The following PDE1C variants were observed in gnomAD, a reference collection of about 807,000 sequenced individuals.
PDE1C encodes dual specificity calcium/calmodulin-dependent 3',5'-cyclic nucleotide phosphodiesterase 1C.
A neutral mutation model predicts 93.1 loss-of-function variants in PDE1C; 62 were observed. The ratio of observed to expected loss-of-function variants is 0.67; its 90% CI spans 0.54 to 0.82. The LOEUF is 0.82. Ranked by LOEUF, PDE1C falls within the 40% of genes least tolerant of loss-of-function variation. The probability of loss-of-function intolerance (pLI) is 0.00; values close to 1 mark genes in which losing one functional copy is unlikely to be tolerated. For missense variants in PDE1C, 742 were observed against 884.6 expected (o/e 0.84, Z 2.04); for synonymous variants, 325 against 310.1 (o/e 1.05, Z -0.50).
At chr7:31,714,182 T>G in the PDE1C span, among the ~76,000 whole-genome samples, 14 of 152,212 alleles carry the variant, frequency 9.2e-5, no homozygotes, top group Non-Finnish European at 1.8e-4. Flanking sequence ...GCTTAGAAAT[T>G]TCTTCTGCCA....
chr7:31,893,509 C>T (rs572269119), intron 2 of PDE1C: 11 of 984,434 alleles, frequency 1.1e-5, no homozygotes, highest in Non-Finnish European at 1.3e-5. Flanking sequence ...CCAGCACCAC[C>T]TCCCTTTCTT....
At chr7:31,795,824 T>A (rs1282946582) in intron 16 of PDE1C, among the ~76,000 whole-genome samples, 1 of 151,538 alleles carries the variant, frequency 6.6e-6, no homozygotes, top group Non-Finnish European at 1.5e-5. Flanking sequence ...TTCCCCAAAT[T>A]CATAAAATAA....
rs938842394 is a variant in PDE1C, at chr7:32,298,806, A to C, written c.-71T>G. Reference sequence around the variant, plus strand: ...CTGCGGTCCCCCCCACGGCGGAGTGAGCAGCCCGGGGCTCGGCGGCGAATC... The same window carrying C: ...CTGCGGTCCCCCCCACGGCGGAGTGCGCAGCCCGGGGCTCGGCGGCGAATC... On this transcript the variant is annotated 5_prime_UTR_variant, in exon 1 of 19. Transcript: ENST00000396193. 7.9e-6 allele frequency: 12 copies of C among 1,525,832 alleles called. No homozygotes were observed. In the East Asian group the frequency reaches 3.0e-4, roughly 38 times the overall value. The allele number at this position is 1,525,832 out of a possible 1,614,324, so 94.5% of individuals were successfully genotyped here.
At chr7:31,981,638 A>G (rs537902550) in intron 2 of PDE1C, among the ~76,000 whole-genome samples, 77 of 152,328 alleles carry the variant, frequency 5.1e-4, no homozygotes, top group Non-Finnish European at 9.4e-4. Flanking sequence ...TTTAGCTTTA[A>G]AAGTATGTCT....
chr7:32,307,882 C>T (rs1025028312), intron 1 of PDE1C, among the ~76,000 whole-genome samples: 10 of 152,208 alleles, frequency 6.6e-5, no homozygotes, highest in Non-Finnish European at 1.5e-4. Context: ...ATAGTGGGTG[C>T]AGGACAGTGG....
chr7:32,373,483 T>G (rs1784367050), intron 1 of PDE1C, among the ~76,000 whole-genome samples: 1 of 152,130 alleles, frequency 6.6e-6, no homozygotes, highest in African/African-American at 2.4e-5. Context: ...GGGAGGAAAA[T>G]GAAGAGTGAC....
At chr7:31,994,151 A>T (rs951959353) in intron 2 of PDE1C, among the ~76,000 whole-genome samples, 4 of 152,150 alleles carry the variant, frequency 2.6e-5, no homozygotes, top group African/African-American at 9.7e-5. Flanking sequence ...AGCAACAATC[A>T]CAATGTGTGG....
At chr7:31,961,537 C>A (rs76935715) in intron 2 of PDE1C, among the ~76,000 whole-genome samples, 1,658 of 151,930 alleles carry the variant, frequency 0.011, 38 homozygotes, top group African/African-American at 0.038. Context: ...GGAAATGATC[C>A]CATTTGACAG....
At chr7:31,883,800 G>A (rs1268100754) in intron 2 of PDE1C, among the ~76,000 whole-genome samples, 1 of 152,176 alleles carries the variant, frequency 6.6e-6, no homozygotes, top group Non-Finnish European at 1.5e-5. Context: ...ACTGAAATCG[G>A]CTCCATCAGG....
At chr7:32,347,512 T>A (rs192930446) in intron 1 of PDE1C, among the ~76,000 whole-genome samples, 8 of 152,212 alleles carry the variant, frequency 5.3e-5, no homozygotes, top group Admixed American at 3.3e-4. Context: ...GGTAAAGGTG[T>A]TTTGTAAATG....
the PDE1C span, among the ~76,000 whole-genome samples, chr7:31,743,820 G>C: frequency 2.6e-5 from 4 of 152,216 alleles, no homozygotes; most frequent in East Asian, 1.9e-4. Flanking sequence ...AATTTAATTG[G>C]AGCCCAGGCA....
intron 17 of PDE1C, among the ~76,000 whole-genome samples, chr7:31,772,045 CAAAA>C (rs34055758): frequency 5.2e-5 from 6 of 116,448 alleles, no homozygotes; most frequent in African/African-American, 9.7e-5. Flanking sequence ...GACTCCGTCT[CAAAA>C]AAAAAAAAAA....
At chr7:32,248,163 T>A (rs12701204) in intron 1 of PDE1C, among the ~76,000 whole-genome samples, 15,974 of 152,114 alleles carry the variant, frequency 0.11, 895 homozygotes, top group East Asian at 0.13. Flanking sequence ...GGGTTTGAGG[T>A]CCCTGTGGGG....
chr7:31,965,894 A>T (rs1046004834), intron 2 of PDE1C, among the ~76,000 whole-genome samples: 1 of 152,230 alleles, frequency 6.6e-6, no homozygotes, highest in African/African-American at 2.4e-5. Context: ...AATACTTTAC[A>T]GACAAGCAAA....
At chr7:32,294,712 G>T (rs1033859879) in intron 1 of PDE1C, among the ~76,000 whole-genome samples, 2 of 152,226 alleles carry the variant, frequency 1.3e-5, no homozygotes, top group Non-Finnish European at 2.9e-5. Flanking sequence ...CCAAACTCCA[G>T]AAGGAAAGTT....
Position 32,005,578 on chromosome 7 carries a change from A to AAAAAC in PDE1C, c.128+45975_128+45976insGTTTT, listed in dbSNP as rs1204630246. ...TTCAAAAAAAAAAAAAAAAAAAAAA[A>AAAAAC]AAAGAATTGTGATCTGAGAAATCAC... is the stretch of plus-strand genomic sequence containing the variant. On this transcript the variant is annotated intron_variant, in intron 2 of 17. Coordinates refer to ENST00000396191, the MANE Select transcript of PDE1C (RefSeq NM_001191057.4). Among the ~76,000 whole-genome samples, 35 of 103,716 alleles carry AAAAAC rather than the reference A, an allele frequency of 3.4e-4. 4 individuals carry two copies. Among genetic ancestry groups the AAAAAC allele is most frequent in the African/African-American group, 1.4e-3 (33 of 23,850 alleles). The allele number at this position is 103,716 out of a possible 152,430, so 68.0% of individuals were successfully genotyped here. A position where few individuals can be genotyped will look rare whatever the true frequency, so the allele number is the denominator to read the frequency against.
the PDE1C span, among the ~76,000 whole-genome samples, chr7:31,716,920 C>G: frequency 6.6e-6 from 1 of 152,078 alleles, no homozygotes; most frequent in African/African-American, 2.4e-5. Context: ...ACCAACCTAC[C>G]AAGATAAATG....
intron 2 of PDE1C, among the ~76,000 whole-genome samples, chr7:32,194,150 G>A (rs1235155462): frequency 2.0e-5 from 3 of 152,044 alleles, no homozygotes; most frequent in East Asian, 1.9e-4. Context: ...TCCTGACCTC[G>A]TGATCTGCCC....
chr7:32,084,907 T>C (rs934297057), intron 3 of PDE1C, among the ~76,000 whole-genome samples: 1 of 146,678 alleles, frequency 6.8e-6, no homozygotes, highest in African/African-American at 2.5e-5. Context: ...GCAGGAAAGA[T>C]CCAAAATTGA....
Sources: allele counts gnomAD v4.1 joint callset (sites outside exome capture counted in the v4.1 genomes callset), GRCh38; gene constraint gnomAD v4.1.1; transcripts MANE v1.5; gene names NCBI Gene and HGNC (gene_info 2026-07-23, HGNC 2026-07-21).